The following IGBP1C variants were observed in gnomAD, a reference collection of about 807,000 sequenced individuals.
IGBP1C encodes the protein immunoglobulin-binding protein 1 family member C.
the IGBP1C span, among the ~76,000 whole-genome samples, chr17:58,663,213 G>A: frequency 4.6e-5 from 7 of 151,652 alleles, no homozygotes; most frequent in Non-Finnish European, 7.4e-5. Context: ...ACCTGAGGTC[G>A]GGAGTTCAAG....
chr17:58,679,696 C>T, the IGBP1C span: 6 of 152,098 alleles, frequency 3.9e-5, no homozygotes, highest in African/African-American at 1.2e-4. Context: ...AGTATGAGTC[C>T]CCAGCGCTGC....
the IGBP1C span, among the ~76,000 whole-genome samples, chr17:58,667,295 T>G: frequency 1.3e-5 from 2 of 152,194 alleles, no homozygotes; most frequent in Non-Finnish European, 2.9e-5. Flanking sequence ...ATGCAAGACT[T>G]TCGATGAGCT....
the IGBP1C span, among the ~76,000 whole-genome samples, chr17:58,662,415 TCACA>T: frequency 0.076 from 8,767 of 114,824 alleles, 399 homozygotes; most frequent in African/African-American, 0.14. Context: ...CACACATATC[TCACA>T]CACACACACA....
the IGBP1C span, among the ~76,000 whole-genome samples, chr17:58,689,209 G>A: frequency 2.7e-5 from 4 of 150,894 alleles, no homozygotes; most frequent in Non-Finnish European, 5.9e-5. Flanking sequence ...AAACAGGCGT[G>A]AGACATCACG....
At chr17:58,663,758 G>A in the IGBP1C span, among the ~76,000 whole-genome samples, 2 of 152,294 alleles carry the variant, frequency 1.3e-5, no homozygotes, top group South Asian at 2.1e-4. Flanking sequence ...ATGAGCCAAT[G>A]TGCCAGGCCA....
At chr17:58,688,518 C>A in the IGBP1C span, among the ~76,000 whole-genome samples, 3 of 152,148 alleles carry the variant, frequency 2.0e-5, no homozygotes, top group African/African-American at 7.2e-5. Flanking sequence ...CATTAGAATG[C>A]TGTAAAAACT....
At chr17:58,669,817 G>T in the IGBP1C span, among the ~76,000 whole-genome samples, 3 of 149,842 alleles carry the variant, frequency 2.0e-5, no homozygotes, top group Non-Finnish European at 4.4e-5. Flanking sequence ...GTGAATACAT[G>T]TTAACAAAAT....
At chr17:58,687,869 A>G in the IGBP1C span, among the ~76,000 whole-genome samples, 3 of 152,186 alleles carry the variant, frequency 2.0e-5, no homozygotes, top group South Asian at 2.1e-4. Context: ...GAAATGCAAC[A>G]TGTCAGAAAT....
chr17:58,685,996 C>CAAAAA, the IGBP1C span, among the ~76,000 whole-genome samples: 7 of 82,480 alleles, frequency 8.5e-5, no homozygotes, highest in African/African-American at 1.9e-4. Flanking sequence ...CTCTGTCTCA[C>CAAAAA]AAAAAAAAAA....
At chr17:58,666,826 A>G in the IGBP1C span, 11 of 152,198 alleles carry the variant, frequency 7.2e-5, no homozygotes, top group African/African-American at 2.7e-4. Flanking sequence ...TTTTTATACT[A>G]TATCTTGGTG....
At chr17:58,678,635 G>C in the IGBP1C span, among the ~76,000 whole-genome samples, 1 of 151,858 alleles carries the variant, frequency 6.6e-6, no homozygotes. Context: ...GAGAACACTT[G>C]AACACGGGGT....
chr17:58,689,560 T>G, the IGBP1C span, among the ~76,000 whole-genome samples: 1 of 152,164 alleles, frequency 6.6e-6, no homozygotes, highest in Admixed American at 6.6e-5. Flanking sequence ...TTTCAAAAAT[T>G]TTAATGATTT....
chr17:58,689,847 A>AT, the IGBP1C span, among the ~76,000 whole-genome samples: 525 of 141,288 alleles, frequency 3.7e-3, no homozygotes, highest in Admixed American at 5.8e-3. Context: ...GGGCCAGAAG[A>AT]TTTTTTTTTT....
At chr17:58,681,426 T>C in the IGBP1C span, among the ~76,000 whole-genome samples, 4 of 152,184 alleles carry the variant, frequency 2.6e-5, no homozygotes, top group Non-Finnish European at 5.9e-5. Context: ...TGACAGTCTA[T>C]CAGTTTTATT....
chr17:58,660,831 A>G, the IGBP1C span: 2 of 785,068 alleles, frequency 2.5e-6, no homozygotes, highest in South Asian at 2.7e-5. Context: ...CCAGCGCCAA[A>G]TACTTTGGCT....
chr17:58,661,107 T>C, the IGBP1C span: 1 of 929,324 alleles, frequency 1.1e-6, no homozygotes, highest in Non-Finnish European at 1.8e-6. Flanking sequence ...TTCTTCTGCT[T>C]GTATCGCTCT....
chr17:58,666,267 G>C, the IGBP1C span, among the ~76,000 whole-genome samples: 2 of 150,564 alleles, frequency 1.3e-5, no homozygotes, highest in Non-Finnish European at 3.0e-5. Context: ...AGAATAGCTC[G>C]AACTCGGGAG....
the IGBP1C span, among the ~76,000 whole-genome samples, chr17:58,682,625 C>T: frequency 1.3e-5 from 2 of 152,088 alleles, no homozygotes; most frequent in African/African-American, 2.4e-5. Context: ...AGGCCCACCT[C>T]AGCTTCCCAA....
chr17:58,676,133 TG>T, the IGBP1C span, among the ~76,000 whole-genome samples: 2 of 152,152 alleles, frequency 1.3e-5, no homozygotes, highest in African/African-American at 4.8e-5. Flanking sequence ...CCCAGCACTT[TG>T]GAAGGCTGAC....
Sources: gnomAD v4.1 joint callset for allele counts (sites outside exome capture counted in the v4.1 genomes callset) on GRCh38, gnomAD v4.1.1 for gene constraint, MANE v1.5 for transcripts, NCBI Gene and HGNC (gene_info 2026-07-23, HGNC 2026-07-21) for gene names.